Variants in SNX25 observed in about 807,000 individuals in gnomAD.
SNX25 encodes the protein sorting nexin 25.
SNX25 carries 62 observed loss-of-function variants against 113.7 expected under a neutral mutation model. That is an observed-to-expected ratio of 0.55 (90% CI 0.44 to 0.67). The LOEUF is 0.67. Among genes scored for constraint, SNX25 ranks in the 30% least tolerant of loss-of-function variants. The pLI, the probability that SNX25 is intolerant of heterozygous loss-of-function variation, is 0.00. For missense variants in SNX25, 1,014 were observed against 1,161.0 expected (o/e 0.87, Z 1.84); for synonymous variants, 421 against 436.2 (o/e 0.97, Z 0.43).
At chr4:185,352,003 T>C (rs576157846) in intron 14 of SNX25, among the ~76,000 whole-genome samples, 1 of 152,064 alleles carries the variant, frequency 6.6e-6, no homozygotes, top group Non-Finnish European at 1.5e-5. Context: ...GTTGGTGCCG[T>C]GCTCTAATGG....
chr4:185,237,895 T>A (rs1742897240), intron 1 of SNX25, among the ~76,000 whole-genome samples: 2 of 151,524 alleles, frequency 1.3e-5, no homozygotes, highest in Non-Finnish European at 2.9e-5. Flanking sequence ...AAACCCCGTC[T>A]CTACTATAAA....
intron 5 of SNX25, among the ~76,000 whole-genome samples, chr4:185,276,738 A>G (rs986090166): frequency 2.0e-5 from 3 of 152,190 alleles, no homozygotes; most frequent in Non-Finnish European, 1.5e-5. Context: ...GCAATGCTGG[A>G]CCAGAATAAG....
At chr4:185,378,502 A>G in the SNX25 span, 314,940 of 1,088,182 alleles carry the variant, frequency 0.29, 50,971 homozygotes, top group African/African-American at 0.68. Context: ...GGGTCAAGTC[A>G]CCCAGCACAA....
At chr4:185,287,673 AG>A (rs1347354941) in intron 5 of SNX25, among the ~76,000 whole-genome samples, 2 of 152,234 alleles carry the variant, frequency 1.3e-5, no homozygotes, top group African/African-American at 4.8e-5. Flanking sequence ...CAATGTAAGA[AG>A]TAGAATCAGC....
At chr4:185,270,388 G>A (rs1292180915) in intron 5 of SNX25, among the ~76,000 whole-genome samples, 2 of 152,164 alleles carry the variant, frequency 1.3e-5, no homozygotes, top group African/African-American at 2.4e-5. Flanking sequence ...CTCAAAGATC[G>A]CTTCCTCTTG....
At chr4:185,291,610 T>A (rs1752178540) in intron 6 of SNX25, among the ~76,000 whole-genome samples, 1 of 152,250 alleles carries the variant, frequency 6.6e-6, no homozygotes, top group South Asian at 2.1e-4. Flanking sequence ...TGCTTCTGAA[T>A]GCGCTGGGGG....
In SNX25 at chr4:185,245,312, C is replaced by T. The variant is rs1198978930; in HGVS notation, c.430-1982C>T. Reference sequence around the variant, plus strand: ...GATAGTGGGGTTTTCATTCTATAGTCTCTCCTTTAAGAAAAAAAATGCCAA... The same window carrying T: ...GATAGTGGGGTTTTCATTCTATAGTTTCTCCTTTAAGAAAAAAAATGCCAA... On this transcript the variant is annotated intron_variant, in intron 1 of 18. Transcript: ENST00000652585. Among the ~76,000 whole-genome samples the T allele has an allele frequency of 1.4e-3, 211 of 151,690 alleles. 2 individuals carry two copies. Among genetic ancestry groups the T allele is most frequent in the Non-Finnish European group, 2.1e-4 (14 of 67,928 alleles).
At chr4:185,340,661 C>T (rs1200943930) in intron 11 of SNX25, among the ~76,000 whole-genome samples, 1 of 152,088 alleles carries the variant, frequency 6.6e-6, no homozygotes, top group Non-Finnish European at 1.5e-5. Flanking sequence ...ATTCTGTTAC[C>T]TCCTCAGTTT....
intron 16 of SNX25, among the ~76,000 whole-genome samples, chr4:185,358,756 A>G (rs956886688): frequency 6.6e-6 from 1 of 152,234 alleles, no homozygotes; most frequent in African/African-American, 2.4e-5. Context: ...AATTGTTCAC[A>G]AGATAAACAT....
intron 8 of SNX25, among the ~76,000 whole-genome samples, 181 bp from the exon 9 acceptor site, chr4:185,323,347 G>GTTT (rs879430742): frequency 6.9e-6 from 1 of 144,920 alleles, no homozygotes; most frequent in Non-Finnish European, 1.5e-5. Flanking sequence ...TAAAGAATTA[G>GTTT]TTTTTTTTTT....
At chr4:185,234,820 T>C (rs1274417222) in intron 1 of SNX25, among the ~76,000 whole-genome samples, 3 of 152,232 alleles carry the variant, frequency 2.0e-5, no homozygotes, top group Admixed American at 1.3e-4. Context: ...AATTCATTAA[T>C]TTAAATAGTG....
intron 10 of SNX25, among the ~76,000 whole-genome samples, chr4:185,335,527 C>A (rs547453916): frequency 1.3e-5 from 2 of 152,306 alleles, no homozygotes; most frequent in South Asian, 4.1e-4. Context: ...TTCTCCTCAA[C>A]ACAGAATGCC....
intron 10 of SNX25, among the ~76,000 whole-genome samples, chr4:185,333,608 T>C (rs1480451584): frequency 6.6e-6 from 1 of 152,184 alleles, no homozygotes; most frequent in African/African-American, 2.4e-5. Context: ...CCAGTTACTG[T>C]CTAGTTAAAC....
chr4:185,312,518 A>AT (rs1477303932), intron 7 of SNX25, among the ~76,000 whole-genome samples: 1 of 148,616 alleles, frequency 6.7e-6, no homozygotes, highest in African/African-American at 2.5e-5. Context: ...ATCATTTTTG[A>AT]TTTGTTCTTT....
chr4:185,287,754 T>C (rs1456107595), intron 5 of SNX25, among the ~76,000 whole-genome samples: 1 of 152,128 alleles, frequency 6.6e-6, no homozygotes, highest in African/African-American at 2.4e-5. Flanking sequence ...TACAGGTAGT[T>C]ATGCTTCTGG....
downstream of SNX25, chr4:185,365,847 T>A (rs1320852512): frequency 6.6e-6 from 1 of 152,088 alleles, no homozygotes; most frequent in African/African-American, 2.4e-5. Context: ...TTTGAGGATA[T>A]CTCAAACCCG....
intron 16 of SNX25, among the ~76,000 whole-genome samples, chr4:185,360,248 T>G (rs2095355639): frequency 6.6e-6 from 1 of 152,304 alleles, no homozygotes; most frequent in South Asian, 2.1e-4. Context: ...ATAAACTTAT[T>G]TTATATGGTC....
intron 3 of SNX25, 139 bp downstream of exon 3, chr4:185,259,203 A>T: frequency 1.4e-6 from 1 of 723,438 alleles, no homozygotes; most frequent in Non-Finnish European, 2.2e-6. Context: ...TTAAGGGGGA[A>T]TAATTATGTT....
intron 1 of SNX25, among the ~76,000 whole-genome samples, chr4:185,218,233 C>T (rs183964626): frequency 5.3e-5 from 8 of 152,260 alleles, no homozygotes; most frequent in Non-Finnish European, 7.4e-5. Context: ...TACAGGCGCC[C>T]GCCATCAAGC....
Sources: gnomAD v4.1 joint callset for allele counts (sites outside exome capture counted in the v4.1 genomes callset) on GRCh38, gnomAD v4.1.1 for gene constraint, MANE v1.5 for transcripts, NCBI Gene and HGNC (gene_info 2026-07-23, HGNC 2026-07-21) for gene names.